The following ARL6IP5 variants were observed in gnomAD, a reference collection of about 807,000 sequenced individuals.
ARL6IP5 encodes ARF like GTPase 6 interacting protein 5.
A neutral mutation model predicts 13.0 loss-of-function variants in ARL6IP5; 6 were observed. The ratio of observed to expected loss-of-function variants is 0.46; its 90% CI spans 0.25 to 0.91. The LOEUF is 0.91. ARL6IP5 is among the 40% of genes least tolerant of loss of function. ARL6IP5 has a pLI of 0.17. For synonymous variants in ARL6IP5, 91 were observed against 91.9 expected (o/e 0.99, Z 0.06); for missense variants, 208 against 248.8 (o/e 0.84, Z 1.10).
At chr3:69,093,794 A>G (rs1575860208) in intron 1 of ARL6IP5, among the ~76,000 whole-genome samples, 1 of 151,934 alleles carries the variant, frequency 6.6e-6, no homozygotes, top group Non-Finnish European at 1.5e-5. Context: ...AAAGAAAAAA[A>G]TTAAAAATTA....
At chr3:69,102,460 A>C (rs1158663095) in intron 2 of ARL6IP5, among the ~76,000 whole-genome samples, 2 of 151,992 alleles carry the variant, frequency 1.3e-5, no homozygotes, top group African/African-American at 2.4e-5. Context: ...GGGTTTTACT[A>C]TGTTGCCCAG....
intron 2 of ARL6IP5, 137 bp from the exon 3 acceptor site, chr3:69,104,327 T>C (rs2092315530): frequency 2.4e-6 from 2 of 832,992 alleles, no homozygotes; most frequent in Non-Finnish European, 3.8e-6. Flanking sequence ...ATTTGAAAGC[T>C]TGCATCAATT....
At chr3:69,098,751 C>A in intron 1 of ARL6IP5, among the ~76,000 whole-genome samples, 1 of 152,246 alleles carries the variant, frequency 6.6e-6, no homozygotes, top group South Asian at 2.1e-4. Flanking sequence ...ACAGACAATG[C>A]ATTATGTATT....
At chr3:69,102,151 A>G in intron 2 of ARL6IP5, 95 bp downstream of exon 2, 1 of 1,355,170 alleles carries the variant, frequency 7.4e-7, no homozygotes, top group Non-Finnish European at 1.0e-6. Flanking sequence ...ATGTGTTGGC[A>G]TGTCAGCAAA....
rs1044800105 is a variant in ARL6IP5, at chr3:69,105,988, G to A, written c.*1352G>A. On this transcript the variant is annotated 3_prime_UTR_variant, in exon 3 of 3. Transcript: ENST00000273258. ...CTACAGCCATGATCTTTAGCACAGT[G>A]ATATCACCATGACTTCACAGACATG... 3.9e-5 allele frequency: 6 copies of A among 152,110 alleles called. No homozygotes were observed. The highest frequency in any genetic ancestry group is 7.4e-5 in the Non-Finnish European group (5 of 68,004). 9.4% of individuals were successfully genotyped at this position (152,110 alleles called of 1,614,324 possible). A position where few individuals can be genotyped will look rare whatever the true frequency, so the allele number is the denominator to read the frequency against.
chr3:69,097,027 C>A (rs1385232561), intron 1 of ARL6IP5, among the ~76,000 whole-genome samples: 1 of 151,478 alleles, frequency 6.6e-6, no homozygotes, highest in Non-Finnish European at 1.5e-5. Flanking sequence ...TTTTTAAATA[C>A]CAATTTTTTT....
intron 1 of ARL6IP5, 147 bp from the exon 2 acceptor site, chr3:69,101,692 T>C (rs1285571145): frequency 1.4e-6 from 1 of 727,792 alleles, no homozygotes; most frequent in African/African-American, 1.8e-5. Flanking sequence ...ATCTCCTTTA[T>C]AAGGTTATGA....
chr3:69,094,098 G>A (rs2092279020), intron 1 of ARL6IP5, among the ~76,000 whole-genome samples: 1 of 152,204 alleles, frequency 6.6e-6, no homozygotes, highest in Non-Finnish European at 1.5e-5. Flanking sequence ...CCCTGAGATG[G>A]CAAAAGGCAA....
chr3:69,096,597 C>CTTTTT (rs11291168), intron 1 of ARL6IP5, among the ~76,000 whole-genome samples: 452 of 69,592 alleles, frequency 6.5e-3, no homozygotes, highest in Non-Finnish European at 8.0e-3. Flanking sequence ...TTTTGCTTTG[C>CTTTTT]TTTTTTTTTT....
Position 69,085,104 on chromosome 3 carries a change from T to A in ARL6IP5, c.57T>A (p.Asp19Glu), listed in dbSNP as rs376490250. The change falls in exon 1 of 3, where the codon GAT becomes GAA. Residue 19 changes from aspartate (D) to glutamate (E), a missense_variant. Coordinates refer to ENST00000273258, the MANE Select transcript of ARL6IP5 (RefSeq NM_006407.4). ...GGGACGATTTCTTCCCGGGTTCCGA[T>A]CGCTTTGCCCGGCCGGACTTCAGGG... ...RAWDDFFPGS[D>E]RFARPDFRDI... 30 of 1,614,046 alleles carry A rather than the reference T, an allele frequency of 1.9e-5. No homozygotes were observed. Among genetic ancestry groups the A allele is most frequent in the Non-Finnish European group, 2.4e-5 (28 of 1,180,038 alleles).
At chr3:69,096,653 G>C (rs963999984) in intron 1 of ARL6IP5, among the ~76,000 whole-genome samples, 1 of 142,006 alleles carries the variant, frequency 7.0e-6, no homozygotes, top group African/African-American at 2.6e-5. Context: ...ACCCAGGCTG[G>C]AGTGCAGTGG....
intron 1 of ARL6IP5, among the ~76,000 whole-genome samples, chr3:69,087,343 T>C (rs928583607): frequency 2.0e-5 from 3 of 152,186 alleles, no homozygotes; most frequent in African/African-American, 4.8e-5. Context: ...AAGTAGTAAA[T>C]AGGTTTGCAT....
intron 1 of ARL6IP5, among the ~76,000 whole-genome samples, chr3:69,086,878 A>G (rs1019416457): frequency 5.9e-5 from 9 of 151,696 alleles, no homozygotes; most frequent in Non-Finnish European, 1.2e-4. Context: ...ACGTACCACC[A>G]TGCCTAGCTA....
intron 2 of ARL6IP5, 63 bp downstream of exon 2, chr3:69,102,119 A>C (rs1185226936): frequency 6.5e-7 from 1 of 1,542,412 alleles, no homozygotes; most frequent in East Asian, 2.3e-5. Flanking sequence ...ATCCAACGGG[A>C]ATTCCATAAC....
chr3:69,089,621 ATAGTGAAACCCT>A (rs1201996231), intron 1 of ARL6IP5, among the ~76,000 whole-genome samples: 1 of 147,986 alleles, frequency 6.8e-6, no homozygotes, highest in African/African-American at 2.5e-5. Flanking sequence ...CCTGGGCAAC[ATAGTGAAACCCT>A]GTCTAAAAAA....
intron 1 of ARL6IP5, among the ~76,000 whole-genome samples, chr3:69,097,630 T>C (rs1399286368): frequency 6.6e-6 from 1 of 152,232 alleles, no homozygotes; most frequent in African/African-American, 2.4e-5. Context: ...GGGAATTTTT[T>C]CTTTCCCAGA....
chr3:69,093,121 C>T (rs1388158965), intron 1 of ARL6IP5, among the ~76,000 whole-genome samples: 2 of 152,126 alleles, frequency 1.3e-5, no homozygotes, highest in Admixed American at 1.3e-4. Flanking sequence ...GGTTTCTAAT[C>T]CGAGTCCAAC....
At chr3:69,085,563 G>C (rs1050396571) in intron 1 of ARL6IP5, among the ~76,000 whole-genome samples, 3 of 152,194 alleles carry the variant, frequency 2.0e-5, no homozygotes, top group Non-Finnish European at 4.4e-5. Context: ...TATTTGTAGC[G>C]CCCTCGTCTT....
intron 1 of ARL6IP5, among the ~76,000 whole-genome samples, chr3:69,088,428 TG>T (rs780177166): frequency 6.6e-6 from 1 of 152,196 alleles, no homozygotes; most frequent in Non-Finnish European, 1.5e-5. Context: ...TCAAGGGCAT[TG>T]TAGGAGTGCT....
Sources: allele counts gnomAD v4.1 joint callset (sites outside exome capture counted in the v4.1 genomes callset), GRCh38; gene constraint gnomAD v4.1.1; transcripts MANE v1.5; gene names NCBI Gene and HGNC (gene_info 2026-07-23, HGNC 2026-07-21).